The following ATXN1 variants were observed in gnomAD, a reference collection of about 807,000 sequenced individuals.
The protein encoded by ATXN1 is ataxin 1, also known as ataxin-1.
Under a neutral mutation model 56.4 loss-of-function variants are expected in ATXN1, and 8 were observed. The observed-to-expected ratio is 0.14, with a 90% CI of 0.08 to 0.26. The LOEUF is 0.26. Among genes scored for constraint, ATXN1 ranks in the 10% least tolerant of loss-of-function variants. ATXN1 has a pLI of 1.00. For missense variants in ATXN1, 987 were observed against 1,106.5 expected (o/e 0.89, Z 1.53); for synonymous variants, 514 against 494.6 (o/e 1.04, Z -0.52).
chr6:16,468,023 A>G (rs1021837278), intron 6 of ATXN1, among the ~76,000 whole-genome samples: 4 of 152,204 alleles, frequency 2.6e-5, no homozygotes, highest in Admixed American at 6.5e-5. Flanking sequence ...AGGGAATTAT[A>G]GCAATAATCA....
At chr6:16,563,554 G>A (rs574388443) in intron 4 of ATXN1, among the ~76,000 whole-genome samples, 1 of 152,254 alleles carries the variant, frequency 6.6e-6, no homozygotes, top group Admixed American at 6.5e-5. Context: ...ACTGAGTTCT[G>A]AGGAAGAGAG....
intron 3 of ATXN1, among the ~76,000 whole-genome samples, chr6:16,635,394 C>G (rs1416953198): frequency 6.6e-6 from 1 of 152,146 alleles, no homozygotes; most frequent in Non-Finnish European, 1.5e-5. Context: ...AAACCATCCC[C>G]CGCTCCACCC....
chr6:16,458,418 A>G (rs769043577), intron 6 of ATXN1, among the ~76,000 whole-genome samples: 2 of 151,974 alleles, frequency 1.3e-5, no homozygotes, highest in Non-Finnish European at 2.9e-5. Flanking sequence ...CTGTCACCCA[A>G]CTCCCTCGAG....
intron 2 of ATXN1, among the ~76,000 whole-genome samples, chr6:16,732,482 A>T (rs1226989549): frequency 6.6e-6 from 1 of 152,062 alleles, no homozygotes; most frequent in African/African-American, 2.4e-5. Flanking sequence ...GAGGCAGGAG[A>T]ATTGCTTGAA....
intron 6 of ATXN1, among the ~76,000 whole-genome samples, chr6:16,461,222 C>T (rs1173621065): frequency 6.6e-6 from 1 of 152,210 alleles, no homozygotes; most frequent in African/African-American, 2.4e-5. Flanking sequence ...CCCAGTACTC[C>T]CTGATCGAAA....
chr6:16,625,865 A>G (rs1055137730), intron 3 of ATXN1, among the ~76,000 whole-genome samples: 1 of 152,204 alleles, frequency 6.6e-6, no homozygotes, highest in Non-Finnish European at 1.5e-5. Flanking sequence ...CTAGGTACCA[A>G]GCATTCCAGA....
intron 5 of ATXN1, among the ~76,000 whole-genome samples, chr6:16,518,518 C>T (rs753604319): frequency 1.3e-5 from 2 of 152,146 alleles, no homozygotes; most frequent in Non-Finnish European, 2.9e-5. Context: ...TAGCTCATTG[C>T]CCTCAGTCAC....
chr6:16,426,908 C>T lies in ATXN1; in HGVS notation c.-161+59064G>A, dbSNP rs545025564. Among the ~76,000 whole-genome samples the T allele has an allele frequency of 5.2e-3, 790 of 151,280 alleles. 8 individuals are homozygous for T. Among genetic ancestry groups the T allele is most frequent in the Non-Finnish European group, 9.6e-3 (654 of 67,846 alleles). On this transcript the variant is annotated intron_variant, in intron 6 of 7. Transcript: ENST00000436367. ...AAAAAAGACCAAGTAGAGGCAGGAT[C>T]GAGATTAAAGTGGCCAGAAAATAAT... is the stretch of plus-strand genomic sequence containing the variant.
chr6:16,611,448 T>C (rs1199414918), intron 3 of ATXN1, among the ~76,000 whole-genome samples: 1 of 152,106 alleles, frequency 6.6e-6, no homozygotes, highest in African/African-American at 2.4e-5. Context: ...ATGACAAAAA[T>C]TAGAATAAGC....
chr6:16,575,054 C>T (rs1013156619), intron 4 of ATXN1, among the ~76,000 whole-genome samples: 11 of 152,002 alleles, frequency 7.2e-5, no homozygotes, highest in Non-Finnish European at 1.5e-4. Context: ...AGAGATGACA[C>T]GCCCTTCTCA....
intron 6 of ATXN1, among the ~76,000 whole-genome samples, chr6:16,412,766 T>C (rs1263087521): frequency 6.6e-6 from 1 of 152,234 alleles, no homozygotes; most frequent in Non-Finnish European, 1.5e-5. Context: ...TAATCTTGAC[T>C]TTCTTTGTCC....
At position 16,573,447 on chromosome 6, in the gene ATXN1, C is replaced by T. The variant is rs10223634; in HGVS notation, c.-361+12333G>A. Among the ~76,000 whole-genome samples, 906 of 152,230 alleles carry T rather than the reference C, an allele frequency of 6.0e-3. 10 individuals carry two copies. The highest frequency in any genetic ancestry group is 0.02 in the African/African-American group (835 of 41,532). ...CTGCCATCCTCCCAACACCCTCAAA[C>T]GAATAGGCTCCCATTACCTATCTTT... On this transcript the variant is annotated intron_variant, in intron 4 of 7. Coordinates refer to ENST00000436367, the MANE Select transcript of ATXN1 (RefSeq NM_001128164.2).
At chr6:16,671,022 T>C (rs1393669162) in intron 2 of ATXN1, among the ~76,000 whole-genome samples, 3 of 152,234 alleles carry the variant, frequency 2.0e-5, no homozygotes, top group African/African-American at 7.2e-5. Flanking sequence ...ATCATTAGCA[T>C]AAAAAAGCTT....
At chr6:16,395,041 G>A (rs563426554) in intron 6 of ATXN1, among the ~76,000 whole-genome samples, 10 of 151,758 alleles carry the variant, frequency 6.6e-5, no homozygotes, top group African/African-American at 1.7e-4. Flanking sequence ...CTCCTGAGGC[G>A]AGGCGGATCA....
intron 3 of ATXN1, among the ~76,000 whole-genome samples, chr6:16,639,284 C>T (rs1016547650): frequency 2.0e-5 from 3 of 152,142 alleles, no homozygotes; most frequent in African/African-American, 4.8e-5. Flanking sequence ...GGGTCCCTAC[C>T]ATCTTTAAGA....
At chr6:16,415,742 A>G (rs1758892095) in intron 6 of ATXN1, among the ~76,000 whole-genome samples, 1 of 152,260 alleles carries the variant, frequency 6.6e-6, no homozygotes, top group Non-Finnish European at 1.5e-5. Context: ...GCGAAGACAA[A>G]GTAAACTGAG....
At chr6:16,313,036 C>T (rs939599111) in intron 7 of ATXN1, among the ~76,000 whole-genome samples, 3 of 152,126 alleles carry the variant, frequency 2.0e-5, no homozygotes, top group Admixed American at 1.3e-4. Flanking sequence ...TGCCACCACA[C>T]CTGGCTAATT....
intron 4 of ATXN1, among the ~76,000 whole-genome samples, chr6:16,523,312 C>T (rs1761330160): frequency 6.6e-6 from 1 of 152,192 alleles, no homozygotes; most frequent in African/African-American, 2.4e-5. Context: ...GCCACTTGCT[C>T]ACGTGCACAT....
chr6:16,730,581 C>T (rs922478720), intron 2 of ATXN1, among the ~76,000 whole-genome samples: 2 of 149,794 alleles, frequency 1.3e-5, no homozygotes, highest in East Asian at 3.9e-4. Flanking sequence ...CTACAAAATA[C>T]AGAAAGAATA....
Sources: gnomAD v4.1 joint callset for allele counts (sites outside exome capture counted in the v4.1 genomes callset) on GRCh38, gnomAD v4.1.1 for gene constraint, MANE v1.5 for transcripts, NCBI Gene and HGNC (gene_info 2026-07-23, HGNC 2026-07-21) for gene names.